Variants in NTM observed in about 807,000 individuals in gnomAD.
The protein encoded by NTM is IgLON family member 2.
A neutral mutation model predicts 42.1 loss-of-function variants in NTM; 13 were observed. The ratio of observed to expected loss-of-function variants is 0.31; its 90% CI spans 0.20 to 0.49. The LOEUF is 0.49. NTM is among the 20% of genes least tolerant of loss of function. NTM has a pLI of 0.99. For synonymous variants in NTM, 187 were observed against 179.2 expected (o/e 1.04, Z -0.35); for missense variants, 373 against 452.8 (o/e 0.82, Z 1.60).
intron 1 of NTM, among the ~76,000 whole-genome samples, chr11:131,435,673 A>G (rs1463825689): frequency 2.6e-5 from 4 of 152,228 alleles, no homozygotes; most frequent in Admixed American, 2.6e-4. Context: ...TTATCAGCTT[A>G]AGGATATTTT....
intron 3 of NTM, among the ~76,000 whole-genome samples, chr11:132,182,042 G>A (rs1382144112): frequency 1.3e-5 from 2 of 150,722 alleles, no homozygotes; most frequent in Non-Finnish European, 3.0e-5. Context: ...TAAAGGAATG[G>A]CAAAAACCCA....
intron 1 of NTM, chr11:131,910,869 G>A: frequency 1.0e-6 from 1 of 985,296 alleles, no homozygotes. Context: ...GGCGGCTGCC[G>A]CAGGATCCCG....
At chr11:131,976,209 A>G (rs995871899) in intron 2 of NTM, among the ~76,000 whole-genome samples, 1 of 147,910 alleles carries the variant, frequency 6.8e-6, no homozygotes, top group Non-Finnish European at 1.5e-5. Flanking sequence ...TCAGCTTTCA[A>G]TAAGCTTAAT....
chr11:132,305,706 G>C (rs1431931048), intron 4 of NTM, among the ~76,000 whole-genome samples: 1 of 152,154 alleles, frequency 6.6e-6, no homozygotes, highest in Admixed American at 6.5e-5. Flanking sequence ...TTCATTTAAA[G>C]CTCTTCTCAA....
intron 3 of NTM, among the ~76,000 whole-genome samples, chr11:132,182,558 A>T (rs1049956343): frequency 2.6e-5 from 4 of 152,220 alleles, no homozygotes; most frequent in Admixed American, 6.5e-5. Flanking sequence ...ATGTGCACAC[A>T]ATGATGGTAA....
At chr11:131,692,963 T>C (rs2135053826) in intron 1 of NTM, among the ~76,000 whole-genome samples, 1 of 152,286 alleles carries the variant, frequency 6.6e-6, no homozygotes, top group Non-Finnish European at 1.5e-5. Flanking sequence ...GGATTCTGGG[T>C]TTTACATTGT....
chr11:132,173,244 TAC>T (rs2076344189), intron 3 of NTM, among the ~76,000 whole-genome samples: 1 of 152,250 alleles, frequency 6.6e-6, no homozygotes, highest in Non-Finnish European at 1.5e-5. Context: ...ATGTCCTCTA[TAC>T]ACATTTCTAA....
intron 2 of NTM, among the ~76,000 whole-genome samples, chr11:132,118,862 G>C (rs551640940): frequency 1.3e-5 from 2 of 152,074 alleles, no homozygotes; most frequent in African/African-American, 4.8e-5. Flanking sequence ...TTGGATTCCC[G>C]GGATTTTGTG....
At chr11:132,246,617 C>T (rs955955435) in intron 4 of NTM, among the ~76,000 whole-genome samples, 33 of 152,276 alleles carry the variant, frequency 2.2e-4, no homozygotes, top group Non-Finnish European at 3.5e-4. Flanking sequence ...GTTTCTGAAA[C>T]GCACACCTGC....
At chr11:131,858,823 G>A (rs2046350610) in intron 1 of NTM, among the ~76,000 whole-genome samples, 1 of 152,198 alleles carries the variant, frequency 6.6e-6, no homozygotes, top group African/African-American at 2.4e-5. Context: ...CAAATACTGT[G>A]AAATTGGCAA....
chr11:131,721,385 T>A (rs1401878859), intron 1 of NTM, among the ~76,000 whole-genome samples: 2 of 152,080 alleles, frequency 1.3e-5, no homozygotes, highest in African/African-American at 4.8e-5. Flanking sequence ...CCATTCAGAG[T>A]CTCAGTTTTT....
At chr11:131,965,325 A>G (rs10450613) in intron 2 of NTM, among the ~76,000 whole-genome samples, 59,810 of 151,838 alleles carry the variant, frequency 0.39, 11,856 homozygotes, top group Middle Eastern at 0.43. Flanking sequence ...CCAGGGACTC[A>G]ACGTCTCCTG....
intron 1 of NTM, among the ~76,000 whole-genome samples, chr11:131,894,753 C>G (rs1252886886): frequency 6.6e-6 from 1 of 152,222 alleles, no homozygotes; most frequent in Non-Finnish European, 1.5e-5. Context: ...GTTCATCCTC[C>G]TCCCTCTTTC....
At chr11:131,479,067 C>A (rs1953268464) in intron 1 of NTM, among the ~76,000 whole-genome samples, 1 of 152,210 alleles carries the variant, frequency 6.6e-6, no homozygotes, top group African/African-American at 2.4e-5. Context: ...TGTTTATGAG[C>A]ATTCTGGCCA....
intron 6 of NTM, among the ~76,000 whole-genome samples, chr11:132,312,109 C>T (rs11223007): frequency 0.038 from 5,713 of 152,254 alleles, 136 homozygotes; most frequent in South Asian, 0.081. Context: ...TGTCTTTCCT[C>T]CTGGCACCCA....
intron 2 of NTM, among the ~76,000 whole-genome samples, chr11:131,954,104 T>C (rs546263838): frequency 1.0e-3 from 158 of 152,350 alleles, no homozygotes; most frequent in African/African-American, 3.7e-3. Context: ...CTGTGATTTA[T>C]GGTAAGCCCT....
intron 1 of NTM, among the ~76,000 whole-genome samples, chr11:131,705,949 CAATT>C (rs1447649205): frequency 6.6e-6 from 1 of 151,934 alleles, no homozygotes; most frequent in African/African-American, 2.4e-5. Flanking sequence ...AGTCAGAAAA[CAATT>C]AACAAAATAG....
At chr11:131,378,297 C>T (rs1421926420) in intron 1 of NTM, among the ~76,000 whole-genome samples, 2 of 152,202 alleles carry the variant, frequency 1.3e-5, no homozygotes, top group Non-Finnish European at 2.9e-5. Context: ...AAATAAAACA[C>T]TTGGACTAAG....
rs1449251756 is a variant in NTM, at chr11:131,911,592, C to T, written c.111C>T (p.Thr37=). ...QGVPVRSGDA[T]FPKAMDNVTV... is the part of the protein sequence containing the mutation. The stretch of plus-strand genomic sequence containing the variant: ...TGCCCGTGCGCAGCGGAGATGCCAC[C>T]TTCCCCAAAGCTATGGACAACGTGA... Residue 37 remains threonine, a synonymous_variant, in exon 2 of 9, where the codon ACC becomes ACT. Transcript: ENST00000683400. 5.0e-6 allele frequency: 8 copies of T among 1,614,112 alleles called. No homozygotes were observed. The highest frequency in any genetic ancestry group is 1.6e-4 in the Middle Eastern group (1 of 6,082).
Sources: allele counts gnomAD v4.1 joint callset (sites outside exome capture counted in the v4.1 genomes callset), GRCh38; gene constraint gnomAD v4.1.1; transcripts MANE v1.5; gene names NCBI Gene and HGNC (gene_info 2026-07-23, HGNC 2026-07-21).